Variants in MTBP observed in about 807,000 individuals in gnomAD.
The protein encoded by MTBP is mdm2-binding protein.
Under a neutral mutation model 117.0 loss-of-function variants are expected in MTBP, and 101 were observed. That is an observed-to-expected ratio of 0.86 (90% CI 0.73 to 1.02). The LOEUF is 1.02. MTBP is among the 50% of genes least tolerant of loss of function. MTBP has a pLI of 0.00. For synonymous variants in MTBP, 350 were observed against 351.5 expected, an observed-to-expected ratio of 1.00 and a Z score of 0.05; for missense variants, 970 against 1,030.9, an observed-to-expected ratio of 0.94 and a Z score of 0.81.
chr8:120,494,798 G>T (rs1586962032), intron 13 of MTBP, among the ~76,000 whole-genome samples: 1 of 151,996 alleles, frequency 6.6e-6, no homozygotes, highest in East Asian at 1.9e-4. Flanking sequence ...TTCTCTTATG[G>T]TTGATAATCA....
At chr8:120,484,016 G>T (rs890954169) in intron 11 of MTBP, among the ~76,000 whole-genome samples, 6 of 152,100 alleles carry the variant, frequency 3.9e-5, no homozygotes, top group African/African-American at 1.4e-4. Flanking sequence ...AATGACTGCA[G>T]AGTCATTATG....
intron 15 of MTBP, among the ~76,000 whole-genome samples, chr8:120,503,681 G>A (rs751731273): frequency 6.6e-6 from 1 of 152,026 alleles, no homozygotes; most frequent in Middle Eastern, 3.2e-3. Flanking sequence ...GCTTTCTTAC[G>A]GCAAATAAAT....
chr8:120,521,675 A>C (rs1056281202), intron 20 of MTBP, among the ~76,000 whole-genome samples: 6 of 152,234 alleles, frequency 3.9e-5, no homozygotes, highest in Non-Finnish European at 8.8e-5. Context: ...TTTTAAATAC[A>C]ATTCCATTTC....
In MTBP at chr8:120,455,479, C is replaced by G; in HGVS notation, c.529C>G (p.Pro177Ala). The change falls in exon 6 of 22, where the codon CCT (proline) becomes GCT (alanine). Residue 177 changes from proline (P) to alanine (A), a missense_variant. Coordinates refer to ENST00000305949, the MANE Select transcript of MTBP (RefSeq NM_022045.5). ...DIILLLSDKD[P>A]PKLKDYLPTV... ...AATACTGTTGCTTTCTGACAAAGATCCTCCTAAATTGAAAGACTATTTACC... is the reference window on the plus strand; with the variant it reads ...AATACTGTTGCTTTCTGACAAAGATGCTCCTAAATTGAAAGACTATTTACC... 1.2e-6 allele frequency: 2 copies of G among 1,607,742 alleles called. No individual in the cohort carries two copies. Among genetic ancestry groups the G allele is most frequent in the South Asian group, 1.1e-5 (1 of 90,826 alleles).
chr8:120,456,132 G>A (rs570173394), intron 6 of MTBP, among the ~76,000 whole-genome samples: 60 of 152,180 alleles, frequency 3.9e-4, no homozygotes, highest in African/African-American at 1.2e-3. Context: ...TGAAGTGCAG[G>A]GAGAAACAGG....
At chr8:120,495,807 A>G (rs533429810) in intron 13 of MTBP, among the ~76,000 whole-genome samples, 16 of 152,124 alleles carry the variant, frequency 1.1e-4, no homozygotes, top group African/African-American at 3.9e-4. Context: ...TGGGTGCAGT[A>G]TCTTCTCATT....
rs766474974 is a variant in MTBP at position 120,451,337 on chromosome 8, T to C, written c.425+15T>C. ...TCCTTGGCTGAGTATGCTTATATGG[T>C]TTTTGTATTATCATTAAAATACTTA... On this transcript the variant is annotated intron_variant, in intron 4 of 21. Coordinates refer to ENST00000305949, the MANE Select transcript of MTBP (RefSeq NM_022045.5). 9 of 1,594,584 alleles carry C rather than the reference T, an allele frequency of 5.6e-6. No homozygotes were observed. In the Admixed American group the frequency reaches 1.0e-4, roughly 18 times the overall value.
chr8:120,504,241 C>A (rs1814648042), intron 15 of MTBP, among the ~76,000 whole-genome samples: 1 of 152,122 alleles, frequency 6.6e-6, no homozygotes, highest in South Asian at 2.1e-4. Flanking sequence ...CATGAGAGAA[C>A]CTCAATTTCT....
intron 11 of MTBP, among the ~76,000 whole-genome samples, chr8:120,487,246 T>G (rs750032974): frequency 6.6e-6 from 1 of 152,206 alleles, no homozygotes. Context: ...CAGCTTCATT[T>G]TGCTTCCAGT....
At position 120,451,268 on chromosome 8, in the gene MTBP, T is replaced by C. The variant is rs939938405; in HGVS notation, c.371T>C (p.Val124Ala). The C allele has an allele frequency of 6.2e-6, 10 of 1,613,116 alleles. No individual in the cohort carries two copies. In the East Asian group the frequency reaches 2.2e-4, roughly 36 times the overall value. The part of the protein sequence containing the change: ...QTNIEECLGA[V>A]ECFEEEDSNS... ...AATATCGAAGAATGTTTGGGTGCTG[T>C]TGAGTGTTTTGAAGAAGAAGACAGT... Residue 124 changes from valine (V) to alanine (A), a missense_variant, in exon 4 of 22, where the codon GTT (valine) becomes GCT (alanine). By Grantham distance (64) the Val-to-Ala change is moderately conservative (BLOSUM62 0). Transcript: ENST00000305949.
intron 13 of MTBP, among the ~76,000 whole-genome samples, chr8:120,495,254 T>C (rs1814426846): frequency 6.6e-6 from 1 of 152,204 alleles, no homozygotes; most frequent in Non-Finnish European, 1.5e-5. Context: ...ATGATACTAC[T>C]TCATTGTCTT....
At chr8:120,483,113 C>G (rs1225869167) in intron 11 of MTBP, among the ~76,000 whole-genome samples, 14 of 151,614 alleles carry the variant, frequency 9.2e-5, no homozygotes, top group Admixed American at 9.2e-4. Context: ...TTGTTCAAAG[C>G]TTAGTCTGAT....
intron 5 of MTBP, 79 bp downstream of exon 5, chr8:120,453,984 A>G (rs1445821014): frequency 1.2e-6 from 1 of 837,176 alleles, no homozygotes; most frequent in South Asian, 1.9e-5. Context: ...TTTGTTCTTT[A>G]TGTTAGTGTT....
At chr8:120,505,591 T>C (rs1452833139) in intron 15 of MTBP, among the ~76,000 whole-genome samples, 1 of 152,230 alleles carries the variant, frequency 6.6e-6, no homozygotes, top group African/African-American at 2.4e-5. Flanking sequence ...AATGTCAACA[T>C]TTTAATCATG....
Position 120,453,907 on chromosome 8 carries a change from T to C in MTBP, c.484+2T>C. 1 of 1,543,714 alleles carries C rather than the reference T, an allele frequency of 6.5e-7. No individual in the cohort carries two copies. Among genetic ancestry groups the C allele is most frequent in the South Asian group, 1.2e-5 (1 of 83,312 alleles). On this transcript the variant is annotated splice_donor_variant, in intron 5 of 21. Coordinates refer to ENST00000305949, the MANE Select transcript of MTBP (RefSeq NM_022045.5). LOFTEE classifies it high-confidence loss of function. ...TGTCAGACAAGCTTCCTGCTCCTGGTAATATTTTATGACTGCTTTCAATAA... is the reference window on the plus strand; with the variant it reads ...TGTCAGACAAGCTTCCTGCTCCTGGCAATATTTTATGACTGCTTTCAATAA...
At chr8:120,463,846 A>C in intron 10 of MTBP, 85 bp downstream of exon 10, 1 of 1,276,052 alleles carries the variant, frequency 7.8e-7, no homozygotes, top group Non-Finnish European at 1.1e-6. Flanking sequence ...AATGTAACTT[A>C]TTAATCTGTT....
chr8:120,466,822 C>A (rs1813704566), intron 10 of MTBP, among the ~76,000 whole-genome samples: 1 of 152,018 alleles, frequency 6.6e-6, no homozygotes, highest in Non-Finnish European at 1.5e-5. Context: ...TGCAATGAGC[C>A]AAGATCACGC....
Position 120,517,900 on chromosome 8 carries a change from A to G in MTBP, c.2296A>G (p.Asn766Asp), listed in dbSNP as rs1221996732. Residue 766 changes from asparagine to aspartate, a missense_variant, in exon 19 of 22, where the codon AAT becomes GAT. Transcript: ENST00000305949. ...SESLLSQTTG[N>D]SNHYHHHVTS... ...GTCTCTTCTTTCTCAGACAACTGGT[A>G]ATAGTAATCACTATCATCATCATGT... The G allele has an allele frequency of 2.5e-6, 4 of 1,611,114 alleles. No homozygotes were observed. Among genetic ancestry groups the G allele is most frequent in the Non-Finnish European group, 3.4e-6 (4 of 1,177,766 alleles).
intron 14 of MTBP, 89 bp from the exon 15 acceptor site, chr8:120,502,403 G>A (rs1376019558): frequency 8.7e-6 from 7 of 806,048 alleles, no homozygotes; most frequent in Non-Finnish European, 1.4e-5. Flanking sequence ...ACACACACAC[G>A]TATGTATGTG....
Sources: allele counts gnomAD v4.1 joint callset (sites outside exome capture counted in the v4.1 genomes callset), GRCh38; gene constraint gnomAD v4.1.1; transcripts MANE v1.5; gene names NCBI Gene and HGNC (gene_info 2026-07-23, HGNC 2026-07-21).